The following TAFA3 variants were observed in gnomAD, a reference collection of about 807,000 sequenced individuals.
The protein encoded by TAFA3 is chemokine-like protein TAFA-3.
Under a neutral mutation model 20.7 loss-of-function variants are expected in TAFA3, and 17 were observed. The ratio of observed to expected loss-of-function variants is 0.82; its 90% CI spans 0.56 to 1.23. The LOEUF (loss-of-function observed/expected upper bound fraction) is 1.23. Among genes scored for constraint, TAFA3 ranks in the 50% most tolerant of loss-of-function variants. The pLI is 0.00. For synonymous variants in TAFA3, 74 were observed against 71.8 expected, an observed-to-expected ratio of 1.03 and a Z score of -0.16; for missense variants, 174 against 172.8, an observed-to-expected ratio of 1.01 and a Z score of -0.04.
intron 4 of TAFA3, 179 bp from the exon 5 acceptor site, chr1:112,723,834 C>G: frequency 3.2e-6 from 4 of 1,240,796 alleles, no homozygotes; most frequent in Non-Finnish European, 4.6e-6. Context: ...GGTTACGTCC[C>G]CAGGCCTCAG....
At chr1:112,721,912 A>G (rs2101496545) in intron 2 of TAFA3, among the ~76,000 whole-genome samples, 1 of 152,346 alleles carries the variant, frequency 6.6e-6, no homozygotes, top group South Asian at 2.1e-4. Flanking sequence ...AAGAGTGTGC[A>G]TGTGAAGTGC....
chr1:112,720,469 T>G (rs1042864764), intron 1 of TAFA3, 108 bp from the exon 2 acceptor site: 1 of 152,270 alleles, frequency 6.6e-6, no homozygotes, highest in Non-Finnish European at 1.5e-5. Context: ...TGAACTTCAG[T>G]GCCCAGCCCA....
intron 1 of TAFA3, 185 bp from the exon 2 acceptor site, chr1:112,720,392 C>T (rs1675299933): frequency 6.6e-6 from 1 of 152,336 alleles, no homozygotes; most frequent in African/African-American, 2.4e-5. Context: ...GCAAGAGCCC[C>T]TCCAGATTCC....
chr1:112,722,214 T>C lies in TAFA3; in HGVS notation c.-1-19T>C, dbSNP rs1675345013. 1 of 1,613,324 alleles carries C rather than the reference T, an allele frequency of 6.2e-7. No individual in the cohort carries two copies. Among genetic ancestry groups the C allele is most frequent in the Non-Finnish European group, 8.5e-7 (1 of 1,179,456 alleles). On this transcript the variant is annotated intron_variant, in intron 2 of 5. Transcript: ENST00000361886. ...AGCTTCTGCCTGGAGCTGAGCAGAA[T>C]GTGTGCTTCTCTCCGCAGGATGAGT... is the stretch of plus-strand genomic sequence containing the variant.
chr1:112,726,238 C>T (rs948855923), intron 5 of TAFA3, among the ~76,000 whole-genome samples: 21 of 152,174 alleles, frequency 1.4e-4, no homozygotes, highest in African/African-American at 5.1e-4. Context: ...GGAGCTACAG[C>T]AAGAAAAAGT....
At chr1:112,722,162 C>A in intron 2 of TAFA3, 71 bp from the exon 3 acceptor site, 1 of 1,516,052 alleles carries the variant, frequency 6.6e-7, no homozygotes, top group Non-Finnish European at 9.1e-7. Flanking sequence ...GTGTGTGGCA[C>A]AGAGAAGGTG....
chr1:112,725,175 T>C (rs1675437678), intron 5 of TAFA3, among the ~76,000 whole-genome samples: 1 of 151,996 alleles, frequency 6.6e-6, no homozygotes, highest in African/African-American at 2.4e-5. Flanking sequence ...GAGCTAAACA[T>C]TGGGTACACA....
intron 5 of TAFA3, among the ~76,000 whole-genome samples, 159 bp downstream of exon 5, chr1:112,724,296 G>C (rs974810525): frequency 6.6e-6 from 1 of 152,056 alleles, no homozygotes; most frequent in African/African-American, 2.4e-5. Context: ...GTTCTCACTG[G>C]GGACTGGAGT....
At chr1:112,724,306 T>G (rs1398800232) in intron 5 of TAFA3, among the ~76,000 whole-genome samples, 169 bp downstream of exon 5, 2 of 151,408 alleles carry the variant, frequency 1.3e-5, no homozygotes. Context: ...GGGACTGGAG[T>G]TAGGGGGGTC....
chr1:112,720,490 C>T (rs6688050), intron 1 of TAFA3, 87 bp from the exon 2 acceptor site: 14,134 of 152,418 alleles, frequency 0.093, 931 homozygotes, highest in Non-Finnish European at 0.13. Flanking sequence ...CCCCCTTGCC[C>T]TCTCCCAGGT....
chr1:112,725,556 A>C (rs1675450302), intron 5 of TAFA3, among the ~76,000 whole-genome samples: 1 of 119,952 alleles, frequency 8.3e-6, no homozygotes, highest in African/African-American at 3.3e-5. Flanking sequence ...ACTGTTGTTG[A>C]CTCCCTACAG....
At position 112,726,661 on chromosome 1, in the gene TAFA3, G is replaced by A. The variant is rs1355056820; in HGVS notation, c.*21G>A. 4 of 1,613,850 alleles carry A rather than the reference G, an allele frequency of 2.5e-6. No individual in the cohort carries two copies. The highest frequency in any genetic ancestry group is 1.7e-5 in the Admixed American group (1 of 59,998). ...GATAGCTCTTGGGGGTCACGGCCTG[G>A]ACAAGAAAGGCTTGACTGAGCCGTG... is the stretch of plus-strand genomic sequence containing the variant. On this transcript the variant is annotated 3_prime_UTR_variant, in exon 6 of 6. Coordinates refer to ENST00000361886, the MANE Select transcript of TAFA3 (RefSeq NM_182759.3).
intron 1 of TAFA3, among the ~76,000 whole-genome samples, chr1:112,719,945 A>C (rs1675288453): frequency 6.6e-6 from 1 of 151,986 alleles, no homozygotes; most frequent in East Asian, 1.9e-4. Flanking sequence ...CCACCATCCT[A>C]TATGTTTCAG....
In TAFA3 at chr1:112,726,632, A is replaced by C; in HGVS notation, c.394A>C (p.Thr132Pro). The change falls in exon 6 of 6, where the codon ACA becomes CCA. Residue 132 changes from threonine to proline, a missense_variant. Thr to Pro is a conservative substitution (Grantham distance 38, BLOSUM62 -1). Transcript: ENST00000361886. ...TACCCTCTCGCTTCTTCACCAGGTC[A>C]CACGATAGCTCTTGGGGGTCACGGC... Reference protein sequence around the residue: ...SGHKVKTTKVTR With the variant: ...SGHKVKTTKVPR 1 of 1,613,738 alleles carries C rather than the reference A, an allele frequency of 6.2e-7. No individual in the cohort carries two copies.
rs753950245 is a variant in TAFA3, at chr1:112,724,062, G to A, written c.315G>A (p.Pro105=). 2.7e-5 allele frequency: 44 copies of A among 1,613,718 alleles called. No individual in the cohort carries two copies. In the Middle Eastern group the frequency reaches 6.8e-4, roughly 25 times the overall value. ...GGTGTCAGATGGAGCCCTGCCTGCC[G>A]GGGGAGGAGTGTAAGGTGCTCCCGG... ...RWWCQMEPCL[P]GEECKVLPDL... The change falls in exon 5 of 6, where the codon CCG becomes CCA. Residue 105 remains proline (P), a synonymous_variant. Transcript: ENST00000361886.
At position 112,723,164 on chromosome 1, in the gene TAFA3, C is replaced by T. The variant is rs1209451122; in HGVS notation, c.264C>T (p.Asp88=). 2 of 1,612,236 alleles carry T rather than the reference C, an allele frequency of 1.2e-6. No individual in the cohort carries two copies. The highest frequency in any genetic ancestry group is 2.2e-5 in the East Asian group (1 of 44,824). Reference sequence around the variant, plus strand: ...CGCGGGCAAAGCCCTCCTGCGTGGACGGTGAGTGAGAGGCCAGGACCCGGG... The same window carrying T: ...CGCGGGCAAAGCCCTCCTGCGTGGATGGTGAGTGAGAGGCCAGGACCCGGG... The part of the protein sequence containing the change: ...GTTRAKPSCV[D]ASIVLQRWWC... Residue 88 remains aspartate (D), a splice_region_variant and synonymous_variant, in exon 4 of 6, where the codon GAC becomes GAT. Transcript: ENST00000361886.
chr1:112,724,445 T>C (rs1183385232), intron 5 of TAFA3, among the ~76,000 whole-genome samples: 2 of 151,894 alleles, frequency 1.3e-5, no homozygotes, highest in Non-Finnish European at 2.9e-5. Flanking sequence ...CATGGAATAC[T>C]ATGCAGCCAT....
rs535000950 is a variant in TAFA3 at position 112,726,940 on chromosome 1, T to G, written c.*300T>G. The G allele has an allele frequency of 2.6e-5, 12 of 454,542 alleles. No homozygotes were observed. The highest frequency in any genetic ancestry group is 6.0e-4 in the Middle Eastern group (1 of 1,664). 28.2% of individuals were successfully genotyped at this position (454,542 alleles called of 1,614,324 possible). A position where few individuals can be genotyped will look rare whatever the true frequency, so the allele number is the denominator to read the frequency against. ...GACAGACAATTTAGATAATTTAGGT[T>G]AAAGTACTTGATACCAGACTGCGGC... On this transcript the variant is annotated 3_prime_UTR_variant, in exon 6 of 6. Coordinates refer to ENST00000361886, the MANE Select transcript of TAFA3 (RefSeq NM_182759.3).
At chr1:112,724,792 A>G (rs564062618) in intron 5 of TAFA3, among the ~76,000 whole-genome samples, 1 of 148,770 alleles carries the variant, frequency 6.7e-6, no homozygotes, top group East Asian at 2.0e-4. Context: ...AATTTAAAAA[A>G]AAAAAAACAA....
Sources: allele counts gnomAD v4.1 joint callset (sites outside exome capture counted in the v4.1 genomes callset), GRCh38; gene constraint gnomAD v4.1.1; transcripts MANE v1.5; gene names NCBI Gene and HGNC (gene_info 2026-07-23, HGNC 2026-07-21).